The following TG variants were observed in gnomAD, a reference collection of about 807,000 sequenced individuals.
TG encodes the protein thyroglobulin, also known as thyroid hormones.
Under a neutral mutation model 324.7 loss-of-function variants are expected in TG, and 270 were observed. The observed-to-expected ratio is 0.83, with a 90% confidence interval of 0.75 to 0.92. TG has a LOEUF of 0.92. Among genes scored for constraint, TG ranks in the 40% least tolerant of loss-of-function variants. TG has a pLI of 0.00. For missense variants in TG, 3,591 were observed against 3,456.4 expected (o/e 1.04, Z -0.98); for synonymous variants, 1,401 against 1,327.0 (o/e 1.06, Z -1.21).
At chr8:132,905,578 GT>G (rs1314257521) in intron 16 of TG, among the ~76,000 whole-genome samples, 5 of 152,274 alleles carry the variant, frequency 3.3e-5, no homozygotes, top group Middle Eastern at 3.4e-3. Flanking sequence ...CGATGAGTGT[GT>G]TTGCTCTTTA....
intron 40 of TG, 84 bp downstream of exon 40, chr8:133,022,234 C>A: frequency 6.4e-7 from 1 of 1,572,790 alleles, no homozygotes; most frequent in Middle Eastern, 2.1e-4. Context: ...CCCTCACTGC[C>A]CCTGCTCCTC....
chr8:132,946,061 CACACACACACA>C (rs1563987937), intron 26 of TG, among the ~76,000 whole-genome samples: 22 of 151,958 alleles, frequency 1.4e-4, no homozygotes, highest in East Asian at 3.9e-4. Flanking sequence ...CACACACACA[CACACACACACA>C]CCCTATATTT....
At chr8:133,132,400 G>C (rs760816677) in intron 46 of TG, among the ~76,000 whole-genome samples, 7 of 152,180 alleles carry the variant, frequency 4.6e-5, no homozygotes, top group Non-Finnish European at 8.8e-5. Flanking sequence ...CTCCACAGAG[G>C]GGAATACCAG....
intron 35 of TG, among the ~76,000 whole-genome samples, chr8:132,990,976 G>C (rs1832255870): frequency 6.6e-6 from 1 of 150,764 alleles, no homozygotes; most frequent in South Asian, 2.1e-4. Flanking sequence ...TAGGAGGCAA[G>C]GGAAGGCCCA....
rs1160606068 is a variant in TG, at chr8:132,886,659, G to A, written c.1287G>A (p.Gln429=). 1.2e-6 allele frequency: 2 copies of A among 1,614,234 alleles called. No individual in the cohort carries two copies. Among genetic ancestry groups the A allele is most frequent in the Non-Finnish European group, 1.7e-6 (2 of 1,180,054 alleles). Residue 429 remains glutamine, a synonymous_variant, in exon 9 of 48, where the codon CAG becomes CAA. Coordinates refer to ENST00000220616, the MANE Select transcript of TG (RefSeq NM_003235.5). ...TTCTCCGCCCAATGGTGGAGGGACAGAGCCAACAGTTTTCTGTCTCAGAAA... is the reference window on the plus strand; with the variant it reads ...TTCTCCGCCCAATGGTGGAGGGACAAAGCCAACAGTTTTCTGTCTCAGAAA... The part of the protein sequence containing the change: ...SGLLRPMVEG[Q]SQQFSVSENL...
intron 41 of TG, among the ~76,000 whole-genome samples, chr8:133,045,594 T>C (rs1839214109): frequency 6.6e-6 from 1 of 151,934 alleles, no homozygotes; most frequent in African/African-American, 2.4e-5. Flanking sequence ...GCAGTGTTGC[T>C]ACATTGCCCA....
intron 45 of TG, among the ~76,000 whole-genome samples, chr8:133,123,904 G>T (rs1257947361): frequency 6.6e-6 from 1 of 152,250 alleles, no homozygotes; most frequent in Non-Finnish European, 1.5e-5. Flanking sequence ...AGTGTGTCAG[G>T]ATTAAAGAAG....
At chr8:133,113,383 A>C in intron 43 of TG, 39 bp from the exon 44 acceptor site, 1 of 1,611,152 alleles carries the variant, frequency 6.2e-7, no homozygotes, top group Middle Eastern at 1.7e-4. Flanking sequence ...GACCTTTCAG[A>C]ATCCAACTGA....
chr8:132,937,762 AT>A (rs35644874), intron 25 of TG, among the ~76,000 whole-genome samples: 71,349 of 150,934 alleles, frequency 0.47, 19,964 homozygotes, highest in Non-Finnish European at 0.61. Flanking sequence ...TTAAGTGTTT[AT>A]TTTTTTTTTC....
intron 23 of TG, among the ~76,000 whole-genome samples, chr8:132,932,127 G>T (rs1219870645): frequency 1.3e-5 from 2 of 151,862 alleles, no homozygotes; most frequent in Non-Finnish European, 2.9e-5. Context: ...ATTTTTTTGG[G>T]GGGGGTGTTC....
chr8:132,969,843 G>A (rs959857073), intron 32 of TG, among the ~76,000 whole-genome samples: 15 of 149,460 alleles, frequency 1.0e-4, no homozygotes, highest in Non-Finnish European at 2.1e-4. Context: ...GAACTCAGGA[G>A]GTGGAGGTTG....
At chr8:132,998,848 G>A (rs1472394084) in intron 35 of TG, among the ~76,000 whole-genome samples, 1 of 152,202 alleles carries the variant, frequency 6.6e-6, no homozygotes, top group Non-Finnish European at 1.5e-5. Flanking sequence ...CTCTGGGATT[G>A]AAGCAGACAA....
chr8:132,900,609 G>A (rs1329636840), intron 15 of TG, among the ~76,000 whole-genome samples: 2 of 152,224 alleles, frequency 1.3e-5, no homozygotes, highest in East Asian at 3.8e-4. Flanking sequence ...CCCATCAAAG[G>A]GGGCCCTAGG....
chr8:132,898,251 G>A lies in TG; in HGVS notation c.3217+5G>A, dbSNP rs2132264436. ...GCTCTCTGCAGATTCCACAGTGTAAGTGAAGACTGCAGAGTTCTCCTCCTG... is the reference window on the plus strand; with the variant it reads ...GCTCTCTGCAGATTCCACAGTGTAAATGAAGACTGCAGAGTTCTCCTCCTG... On this transcript the variant is annotated splice_donor_5th_base_variant and intron_variant, in intron 13 of 47. Transcript: ENST00000220616. The A allele has an allele frequency of 1.3e-6, 2 of 1,589,802 alleles. No homozygotes were observed. Among genetic ancestry groups the A allele is most frequent in the African/African-American group, 2.7e-5 (2 of 74,804 alleles).
chr8:133,074,798 G>A, intron 41 of TG: 1 of 951,458 alleles, frequency 1.1e-6, no homozygotes, highest in Non-Finnish European at 1.3e-6. Flanking sequence ...ACTGCGTGTT[G>A]AAGAGGCCCT....
intron 41 of TG, among the ~76,000 whole-genome samples, chr8:133,044,679 T>C (rs1205629519): frequency 6.6e-6 from 1 of 152,164 alleles, no homozygotes; most frequent in African/African-American, 2.4e-5. Flanking sequence ...GGCTTGAATA[T>C]GTATGGCCCA....
At chr8:132,986,364 T>C (rs1004606869) in intron 35 of TG, among the ~76,000 whole-genome samples, 4 of 99,934 alleles carry the variant, frequency 4.0e-5, no homozygotes, top group African/African-American at 1.3e-4. Context: ...TATATGTGTA[T>C]ATATAGTATA....
chr8:133,038,450 G>A (rs1175329654), intron 41 of TG: 21 of 1,233,290 alleles, frequency 1.7e-5, no homozygotes, highest in South Asian at 7.4e-5. Context: ...AGGGAACCTC[G>A]CTTTTCGCAA....
At chr8:133,012,264 G>T (rs1834583142) in intron 36 of TG, among the ~76,000 whole-genome samples, 1 of 152,168 alleles carries the variant, frequency 6.6e-6, no homozygotes, top group African/African-American at 2.4e-5. Context: ...CATAAACCCA[G>T]GTCAGAGGAA....
Sources: gnomAD v4.1 joint callset for allele counts (sites outside exome capture counted in the v4.1 genomes callset) on GRCh38, gnomAD v4.1.1 for gene constraint, MANE v1.5 for transcripts, NCBI Gene and HGNC (gene_info 2026-07-23, HGNC 2026-07-21) for gene names.